GRIK4: variants seen among roughly 807,000 people sequenced by gnomAD.
GRIK4 encodes glutamate receptor ionotropic, kainate 4.
GRIK4 carries 40 observed loss-of-function variants against 104.9 expected under a neutral mutation model. That is an observed-to-expected ratio of 0.38 (90% CI 0.30 to 0.50). The LOEUF is 0.50. Among genes scored for constraint, GRIK4 ranks in the 20% least tolerant of loss-of-function variants. The pLI, the probability that GRIK4 is intolerant of heterozygous loss-of-function variation, is 0.93. For synonymous variants in GRIK4, 485 were observed against 524.9 expected, an observed-to-expected ratio of 0.92 and a Z score of 1.04; for missense variants, 1,047 against 1,308.1, an observed-to-expected ratio of 0.80 and a Z score of 3.08.
chr11:120,743,109 A>C (rs1951369621), intron 3 of GRIK4, among the ~76,000 whole-genome samples: 1 of 152,092 alleles, frequency 6.6e-6, no homozygotes, highest in Non-Finnish European at 1.5e-5. Context: ...GGGTGCCTGT[A>C]ATCCCAGCTA....
At chr11:120,935,329 T>A (rs1285659136) in intron 13 of GRIK4, among the ~76,000 whole-genome samples, 1 of 152,114 alleles carries the variant, frequency 6.6e-6, no homozygotes, top group East Asian at 1.9e-4. Context: ...GGCAGGTGGA[T>A]CACCTGAGGT....
Position 120,815,371 on chromosome 11 carries a change from G to C in GRIK4, c.248-7G>C. On this transcript the variant is annotated splice_polypyrimidine_tract_variant and splice_region_variant and intron_variant, in intron 4 of 20. Coordinates refer to ENST00000527524, the MANE Select transcript of GRIK4 (RefSeq NM_014619.5). ...GCTTCTTTCCCTGTCCCTGCCGCTG[G>C]CTGCAGTGTGTCAGATCCTCCCCAA... 2.0e-6 allele frequency: 3 copies of C among 1,516,882 alleles called. No individual in the cohort carries two copies. In the South Asian group the frequency reaches 3.6e-5, roughly 18 times the overall value. 94.0% of individuals were successfully genotyped at this position (1,516,882 alleles called of 1,614,324 possible).
intron 8 of GRIK4, among the ~76,000 whole-genome samples, chr11:120,854,218 G>A (rs889167034): frequency 3.3e-5 from 5 of 152,234 alleles, no homozygotes; most frequent in African/African-American, 1.2e-4. Flanking sequence ...CTCCCAGGCA[G>A]TTAGGGTCCA....
At chr11:120,605,600 G>C (rs1178641140) in intron 1 of GRIK4, among the ~76,000 whole-genome samples, 1 of 152,202 alleles carries the variant, frequency 6.6e-6, no homozygotes, top group Non-Finnish European at 1.5e-5. Context: ...ATTCTACATG[G>C]GTTGTGGTTC....
At chr11:120,571,381 T>G (rs1470499602) in intron 1 of GRIK4, among the ~76,000 whole-genome samples, 1 of 152,148 alleles carries the variant, frequency 6.6e-6, no homozygotes, top group African/African-American at 2.4e-5. Flanking sequence ...CACAGCAGTC[T>G]CTTTTCCCCT....
At chr11:120,825,437 G>T (rs980581329) in intron 6 of GRIK4, among the ~76,000 whole-genome samples, 2 of 152,194 alleles carry the variant, frequency 1.3e-5, no homozygotes, top group South Asian at 4.1e-4. Flanking sequence ...TGTCCACACC[G>T]AGGAAATGCT....
At chr11:120,644,429 G>A (rs143239901) in intron 1 of GRIK4, among the ~76,000 whole-genome samples, 3 of 152,306 alleles carry the variant, frequency 2.0e-5, no homozygotes, top group African/African-American at 2.4e-5. Flanking sequence ...AAATAGCCCC[G>A]TGAGGTAGGT....
At chr11:120,527,764 C>A (rs576418765) in intron 1 of GRIK4, among the ~76,000 whole-genome samples, 1 of 152,338 alleles carries the variant, frequency 6.6e-6, no homozygotes, top group South Asian at 2.1e-4. Context: ...GATACAGCCT[C>A]ATTGTTGTCC....
At chr11:120,705,232 CTTT>C (rs902505786) in intron 3 of GRIK4, among the ~76,000 whole-genome samples, 3 of 139,072 alleles carry the variant, frequency 2.2e-5, no homozygotes, top group Non-Finnish European at 3.2e-5. Flanking sequence ...TCTTTCTTTT[CTTT>C]TTTTTTTTTT....
chr11:120,871,677 C>A (rs1371991032), intron 9 of GRIK4: 1 of 456,276 alleles, frequency 2.2e-6, no homozygotes, highest in South Asian at 1.5e-5. Context: ...GTGGCCTGAT[C>A]CAGTATCTCT....
At chr11:120,637,591 G>T (rs7122702) in intron 1 of GRIK4, among the ~76,000 whole-genome samples, 82,470 of 152,022 alleles carry the variant, frequency 0.54, 22,942 homozygotes, top group African/African-American at 0.67. Flanking sequence ...AGCGAGCCAT[G>T]TGGGGTGCAG....
At chr11:120,901,453 G>A (rs368264502) in intron 12 of GRIK4, among the ~76,000 whole-genome samples, 42 of 152,120 alleles carry the variant, frequency 2.8e-4, no homozygotes, top group East Asian at 9.7e-4. Flanking sequence ...CAGATGTCAC[G>A]TCTCCCACGA....
At chr11:120,765,622 G>C (rs1193086542) in intron 3 of GRIK4, among the ~76,000 whole-genome samples, 4 of 152,266 alleles carry the variant, frequency 2.6e-5, no homozygotes, top group African/African-American at 9.6e-5. Flanking sequence ...TTTGCTGCTG[G>C]TGACCTTCAG....
At chr11:120,646,350 T>A (rs1949542155) in intron 1 of GRIK4, among the ~76,000 whole-genome samples, 1 of 152,206 alleles carries the variant, frequency 6.6e-6, no homozygotes, top group South Asian at 2.1e-4. Context: ...TTGTCCCAAG[T>A]CACATGACTG....
chr11:120,898,418 C>G (rs1362682300), intron 11 of GRIK4, 114 bp from the exon 12 acceptor site: 5 of 680,688 alleles, frequency 7.3e-6, no homozygotes, highest in Non-Finnish European at 1.3e-5. Flanking sequence ...GCTCCGTACT[C>G]CACACCCCTC....
intron 6 of GRIK4, among the ~76,000 whole-genome samples, chr11:120,830,570 C>T (rs904876796): frequency 6.6e-6 from 1 of 152,152 alleles, no homozygotes; most frequent in Non-Finnish European, 1.5e-5. Context: ...ACCAGCAGCA[C>T]GGGGCCTTGG....
At chr11:120,815,339 G>A in intron 4 of GRIK4, 39 bp from the exon 5 acceptor site, 4 of 1,229,918 alleles carry the variant, frequency 3.3e-6, no homozygotes, top group Non-Finnish European at 4.7e-6. Flanking sequence ...GACCTGATGA[G>A]TGCTTTGCTT....
At chr11:120,603,051 G>A (rs1948908117) in intron 1 of GRIK4, among the ~76,000 whole-genome samples, 1 of 152,194 alleles carries the variant, frequency 6.6e-6, no homozygotes, top group Non-Finnish European at 1.5e-5. Context: ...CAGGCCTGAA[G>A]GTAGGAGAGA....
At chr11:120,799,896 G>A (rs1476228548) in intron 3 of GRIK4, among the ~76,000 whole-genome samples, 1 of 152,150 alleles carries the variant, frequency 6.6e-6, no homozygotes, top group Non-Finnish European at 1.5e-5. Flanking sequence ...TGCCCAGGCT[G>A]GAGTGCAATG....
Sources: gnomAD v4.1 joint callset for allele counts (sites outside exome capture counted in the v4.1 genomes callset) on GRCh38, gnomAD v4.1.1 for gene constraint, MANE v1.5 for transcripts, NCBI Gene and HGNC (gene_info 2026-07-23, HGNC 2026-07-21) for gene names.